Variants in TARS3 observed in about 807,000 individuals in gnomAD.
TARS3 encodes the protein threonyl-tRNA synthetase 3.
A neutral mutation model predicts 103.5 loss-of-function variants in TARS3; 94 were observed. The observed-to-expected ratio is 0.91, with a 90% CI of 0.77 to 1.08. The LOEUF is 1.08. Ranked by LOEUF, TARS3 falls within the 50% of genes least tolerant of loss-of-function variation. TARS3 has a pLI of 0.00. For synonymous variants in TARS3, 416 were observed against 355.4 expected (o/e 1.17, Z -1.92); for missense variants, 952 against 995.2 (o/e 0.96, Z 0.58).
At chr15:101,706,551 G>A (rs1899573920) in intron 6 of TARS3, among the ~76,000 whole-genome samples, 1 of 152,188 alleles carries the variant, frequency 6.6e-6, no homozygotes. Context: ...CTATTGGACA[G>A]TACTGTTCTA....
chr15:101,713,572 T>A lies in TARS3; in HGVS notation c.690+1268A>T, dbSNP rs1029519954. 2.0e-5 allele frequency among the ~76,000 whole-genome samples: 3 copies of A among 152,120 alleles called. No individual in the cohort carries two copies. In the South Asian group the frequency reaches 6.2e-4, roughly 32 times the overall value. On this transcript the variant is annotated intron_variant, in intron 4 of 18. Coordinates refer to ENST00000335968, the MANE Select transcript of TARS3 (RefSeq NM_152334.3). ...TTCTAGATATTTTTAGGAAGTAAAA[T>A]CTACTGGGCTTACCCCTCACTGGAG... is the stretch of plus-strand genomic sequence containing the variant.
intron 5 of TARS3, among the ~76,000 whole-genome samples, chr15:101,709,739 C>T (rs1474225754): frequency 6.6e-6 from 1 of 152,240 alleles, no homozygotes; most frequent in African/African-American, 2.4e-5. Context: ...GAATCACCAG[C>T]ACCCAGCACA....
chr15:101,694,097 A>G (rs945193724), intron 10 of TARS3, among the ~76,000 whole-genome samples: 2 of 152,250 alleles, frequency 1.3e-5, no homozygotes, highest in Admixed American at 6.5e-5. Flanking sequence ...GGAAAAAAAA[A>G]TTCAAGGAGA....
intron 10 of TARS3, among the ~76,000 whole-genome samples, chr15:101,689,775 T>C (rs1226727134): frequency 6.6e-6 from 1 of 152,214 alleles, no homozygotes; most frequent in Admixed American, 6.5e-5. Context: ...TAAATTTCTG[T>C]TGTTTTAAGT....
At chr15:101,689,438 A>G (rs2141412415) in intron 10 of TARS3, among the ~76,000 whole-genome samples, 1 of 152,232 alleles carries the variant, frequency 6.6e-6, no homozygotes, top group Middle Eastern at 3.4e-3. Flanking sequence ...ATTTGGAAGT[A>G]GGGTCTTTAT....
At chr15:101,679,147 C>T (rs756455341) in intron 12 of TARS3, among the ~76,000 whole-genome samples, 3 of 152,134 alleles carry the variant, frequency 2.0e-5, no homozygotes, top group Non-Finnish European at 1.5e-5. Context: ...TTATCCTGAA[C>T]AGCTTTCTTG....
intron 1 of TARS3, among the ~76,000 whole-genome samples, chr15:101,723,791 AT>A (rs1259064289): frequency 6.6e-6 from 1 of 152,256 alleles, no homozygotes; most frequent in African/African-American, 2.4e-5. Context: ...ACACTCCAGC[AT>A]TTTTTCAAAC....
intron 10 of TARS3, among the ~76,000 whole-genome samples, chr15:101,691,340 C>G (rs1300231511): frequency 1.3e-5 from 2 of 151,664 alleles, no homozygotes; most frequent in Non-Finnish European, 2.9e-5. Context: ...AGTGCAGTGG[C>G]ACAATCTTGG....
In TARS3 at chr15:101,699,219, G is replaced by A. The variant is rs777505134; in HGVS notation, c.1320+1867C>T. ...TCCAAAAGGTTTTTTTCATGGTAAG[G>A]CCAATTCCTTCAGACAAAGGTATCC... On this transcript the variant is annotated intron_variant, in intron 10 of 18. Transcript: ENST00000335968. 1.7e-4 allele frequency: 48 copies of A among 285,720 alleles called. No individual in the cohort carries two copies. In the Middle Eastern group the frequency reaches 7.5e-3, roughly 45 times the overall value. The allele number at this position is 285,720 out of a possible 1,614,324, so 17.7% of individuals were successfully genotyped here.
Position 101,724,332 on chromosome 15 carries a change from T to A in TARS3, c.56A>T (p.Glu19Val). 1 of 1,552,304 alleles carries A rather than the reference T, an allele frequency of 6.4e-7. No individual in the cohort carries two copies. ...CGACCACAGCCAGCGGATGTCCTCC[T>A]CCTGCCGCTCCAGGCGCGACGCCAC... is the stretch of plus-strand genomic sequence containing the variant. ...EAVASRLERQ[E>V]EDIRWLWSEV... is the part of the protein sequence containing the mutation. Residue 19 changes from glutamate to valine, a missense_variant, in exon 1 of 19, where the codon GAG becomes GTG. Coordinates refer to ENST00000335968, the MANE Select transcript of TARS3 (RefSeq NM_152334.3).
intron 13 of TARS3, among the ~76,000 whole-genome samples, chr15:101,674,735 G>A (rs1897952902): frequency 1.3e-5 from 2 of 151,826 alleles, no homozygotes; most frequent in Admixed American, 6.6e-5. Flanking sequence ...AACCCGGGAG[G>A]TGGAGCTTGC....
At position 101,724,280 on chromosome 15, in the gene TARS3, C is replaced by G. The variant is rs145228874; in HGVS notation, c.108G>C (p.Gln36His). Reference sequence around the variant, plus strand: ...CCTGGCAGCTGTAGGGCGCGTTCAGCTGCTCGTCCCTCAGGCGCTCGACCT... The same window carrying G: ...CCTGGCAGCTGTAGGGCGCGTTCAGGTGCTCGTCCCTCAGGCGCTCGACCT... ...WSEVERLRDE[Q>H]LNAPYSCQAE... is the part of the protein sequence containing the mutation. The change falls in exon 1 of 19, where the codon CAG (glutamine) becomes CAC (histidine). Residue 36 changes from glutamine (Q) to histidine (H), a missense_variant. Gln to His is a conservative substitution (Grantham distance 24). This residue lies in a region of TARS3 where 412 missense variants were observed against 364.2 expected (regional missense o/e 1.13). Transcript: ENST00000335968. The G allele has an allele frequency of 1.5e-4, 229 of 1,573,274 alleles. 1 individual carries two copies. The African/African-American group carries it at 2.9e-3, about 20-fold the overall frequency.
intron 13 of TARS3, among the ~76,000 whole-genome samples, chr15:101,674,555 C>A (rs1897944504): frequency 6.6e-6 from 1 of 151,962 alleles, no homozygotes; most frequent in Non-Finnish European, 1.5e-5. Flanking sequence ...GCATTAAATC[C>A]CAGCACTTTG....
intron 15 of TARS3, among the ~76,000 whole-genome samples, chr15:101,670,908 C>G (rs528265400): frequency 6.6e-6 from 1 of 152,274 alleles, no homozygotes; most frequent in Admixed American, 6.5e-5. Flanking sequence ...TACTGCATGG[C>G]TCCGTTTACA....
At chr15:101,658,532 G>C (rs533574963) in intron 16 of TARS3, among the ~76,000 whole-genome samples, 1 of 152,154 alleles carries the variant, frequency 6.6e-6, no homozygotes. Flanking sequence ...GATGGTTTGA[G>C]TGTGGGGAAA....
At chr15:101,698,853 T>C (rs1007423114) in intron 10 of TARS3, among the ~76,000 whole-genome samples, 3 of 152,134 alleles carry the variant, frequency 2.0e-5, no homozygotes, top group Admixed American at 6.5e-5. Flanking sequence ...ATAGAACACT[T>C]TGGAAGAGTA....
At chr15:101,685,672 C>T (rs1409582172) in intron 11 of TARS3, among the ~76,000 whole-genome samples, 1 of 151,948 alleles carries the variant, frequency 6.6e-6, no homozygotes, top group African/African-American at 2.4e-5. Flanking sequence ...TTAATCAGCA[C>T]AAAAAAATGC....
chr15:101,712,423 C>T (rs143532010), intron 4 of TARS3, among the ~76,000 whole-genome samples: 154 of 152,312 alleles, frequency 1.0e-3, no homozygotes, highest in Admixed American at 2.7e-3. Context: ...CCTCTCTGAG[C>T]TGGACACAGA....
intron 18 of TARS3, chr15:101,655,940 G>C (rs1313200679): frequency 7.0e-6 from 9 of 1,289,088 alleles, no homozygotes; most frequent in African/African-American, 1.5e-5. Context: ...TAAAAAGTTT[G>C]TTCTCTCTAG....
Sources: gnomAD v4.1 joint callset for allele counts (sites outside exome capture counted in the v4.1 genomes callset) on GRCh38, gnomAD v4.1.1 for gene constraint, gnomAD v4.1.1 regional missense constraint, MANE v1.5 for transcripts, NCBI Gene and HGNC (gene_info 2026-07-23, HGNC 2026-07-21) for gene names.